The following SPOPL variants were observed in gnomAD, a reference collection of about 807,000 sequenced individuals.
SPOPL encodes speckle-type POZ protein-like.
A neutral mutation model predicts 53.8 loss-of-function variants in SPOPL; 23 were observed. That is an observed-to-expected ratio of 0.43 (90% CI 0.31 to 0.61). The LOEUF (loss-of-function observed/expected upper bound fraction) is 0.61. Among genes scored for constraint, SPOPL ranks in the 20% least tolerant of loss-of-function variants. The pLI is 0.12. For synonymous variants in SPOPL, 164 were observed against 149.7 expected (o/e 1.10, Z -0.70); for missense variants, 442 against 466.9 (o/e 0.95, Z 0.49).
chr2:138,532,593 AT>A (rs71301784), intron 1 of SPOPL, among the ~76,000 whole-genome samples: 2,088 of 111,824 alleles, frequency 0.019, 40 homozygotes, highest in African/African-American at 0.071. Flanking sequence ...CGCCCGGCTA[AT>A]TTTTTTTTTT....
At chr2:138,556,647 T>TA (rs1685430595) in intron 5 of SPOPL, among the ~76,000 whole-genome samples, 1 of 152,196 alleles carries the variant, frequency 6.6e-6, no homozygotes, top group African/African-American at 2.4e-5. Flanking sequence ...GAAACTTTTT[T>TA]ATAGTTATTA....
Position 138,568,878 on chromosome 2 carries a change from G to A in SPOPL, c.1035-58G>A. On this transcript the variant is annotated intron_variant, in intron 10 of 10. Coordinates refer to ENST00000280098, the MANE Select transcript of SPOPL (RefSeq NM_001001664.3). ...TGCAAGTTTTTAAGAAATTAACAGT[G>A]CAATAGTGCATTTTGAAAAGTATTC... The A allele has an allele frequency of 2.5e-6, 4 of 1,576,696 alleles. No individual in the cohort carries two copies. In the South Asian group the frequency reaches 3.4e-5, roughly 13 times the overall value.
intron 1 of SPOPL, among the ~76,000 whole-genome samples, chr2:138,549,296 C>G (rs1297088082): frequency 6.6e-6 from 1 of 152,128 alleles, no homozygotes; most frequent in South Asian, 2.1e-4. Flanking sequence ...CTTTATCTCT[C>G]ATAACAATTT....
At position 138,564,701 on chromosome 2, in the gene SPOPL, T is replaced by C; in HGVS notation, c.838-7T>C. 6.2e-7 allele frequency: 1 copy of C among 1,613,392 alleles called. No individual in the cohort carries two copies. The highest frequency in any genetic ancestry group is 8.5e-7 in the Non-Finnish European group (1 of 1,179,742). ...ATGTTTAATGGTTATGTTTTCATTT[T>C]GGATAGTATGCACTGGAACGGCTGA... On this transcript the variant is annotated splice_polypyrimidine_tract_variant and splice_region_variant and intron_variant, in intron 8 of 10. Coordinates refer to ENST00000280098, the MANE Select transcript of SPOPL (RefSeq NM_001001664.3).
At chr2:138,509,585 A>G (rs1232885874) in intron 1 of SPOPL, among the ~76,000 whole-genome samples, 1 of 150,026 alleles carries the variant, frequency 6.7e-6, no homozygotes, top group Non-Finnish European at 1.5e-5. Context: ...CAGTTAGGTG[A>G]TTTTTTAAAA....
chr2:138,537,912 G>A (rs1489385566), intron 1 of SPOPL, among the ~76,000 whole-genome samples: 3 of 152,052 alleles, frequency 2.0e-5, no homozygotes, highest in Non-Finnish European at 4.4e-5. Context: ...AAGTTGTCAC[G>A]CTGAAAGTTT....
Position 138,571,588 on chromosome 2 carries a change from T to C in SPOPL, c.*2508T>C, listed in dbSNP as rs1486412662. The C allele has an allele frequency of 1.3e-5, 2 of 152,542 alleles. No homozygotes were observed. The highest frequency in any genetic ancestry group is 2.9e-5 in the Non-Finnish European group (2 of 68,000). 9.4% of individuals were successfully genotyped at this position (152,542 alleles called of 1,614,324 possible). On this transcript the variant is annotated 3_prime_UTR_variant, in exon 11 of 11. Transcript: ENST00000280098. ...TTGGTATTGTGGGTTCTTGAGGCAA[T>C]GATAAAAACACTTAATGTATTCTGA... is the stretch of plus-strand genomic sequence containing the variant.
chr2:138,551,076 T>G (rs776653750), intron 4 of SPOPL, 22 bp downstream of exon 4: 2 of 1,611,120 alleles, frequency 1.2e-6, no homozygotes, highest in Non-Finnish European at 1.7e-6. Context: ...GCAAACTAAG[T>G]GAAGACATTT....
chr2:138,525,909 C>A (rs1448460930), intron 1 of SPOPL, among the ~76,000 whole-genome samples: 1 of 151,234 alleles, frequency 6.6e-6, no homozygotes, highest in African/African-American at 2.4e-5. Context: ...AGGGTATCAT[C>A]CATTCTCACC....
chr2:138,534,367 T>C (rs537728772), intron 1 of SPOPL, among the ~76,000 whole-genome samples: 1 of 152,236 alleles, frequency 6.6e-6, no homozygotes, highest in East Asian at 1.9e-4. Context: ...TTGTATTAGG[T>C]GTTAAGTAAT....
At chr2:138,550,456 A>G (rs1041652236) in intron 2 of SPOPL, 27 bp from the exon 3 acceptor site, 71 of 1,597,908 alleles carry the variant, frequency 4.4e-5, no homozygotes, top group Non-Finnish European at 6.0e-5. Context: ...CGTCATCATT[A>G]TAAAAGTGGT....
In SPOPL at chr2:138,550,286, T is replaced by A; in HGVS notation, c.70T>A (p.Tyr24Asn). The change falls in exon 2 of 11, where the codon TAC (tyrosine) becomes AAC (asparagine). Residue 24 changes from tyrosine to asparagine, a missense_variant. Coordinates refer to ENST00000280098, the MANE Select transcript of SPOPL (RefSeq NM_001001664.3). ...STGPIAESWCYTQVKVVKFSY... is the reference protein window; with the variant it reads ...STGPIAESWCNTQVKVVKFSY... ...TGGTCCCATAGCAGAAAGCTGGTGT[T>A]ACACACAGGTACATGCTCTTAAAAA... 1 of 1,613,626 alleles carries A rather than the reference T, an allele frequency of 6.2e-7. No homozygotes were observed. The highest frequency in any genetic ancestry group is 8.5e-7 in the Non-Finnish European group (1 of 1,179,644).
At chr2:138,523,861 T>C (rs1344843465) in intron 1 of SPOPL, among the ~76,000 whole-genome samples, 1 of 152,170 alleles carries the variant, frequency 6.6e-6, no homozygotes, top group East Asian at 1.9e-4. Context: ...TCACAGGCTG[T>C]TGTTGAGTGT....
Position 138,559,359 on chromosome 2 carries a change from A to G in SPOPL, c.714+22A>G, listed in dbSNP as rs371041587. ...AAAGGTAAACATGGCTTAAAGGCTA[A>G]TATTGAATTTATATAAACGTAAAGT... On this transcript the variant is annotated intron_variant, in intron 7 of 10. Coordinates refer to ENST00000280098, the MANE Select transcript of SPOPL (RefSeq NM_001001664.3). 2.8e-5 allele frequency: 44 copies of G among 1,592,028 alleles called. No individual in the cohort carries two copies. In the African/African-American group the frequency reaches 6.0e-4, roughly 22 times the overall value.
chr2:138,559,488 GAAC>G, intron 7 of SPOPL, 151 bp downstream of exon 7: 1 of 734,604 alleles, frequency 1.4e-6, no homozygotes, highest in East Asian at 2.7e-5. Context: ...TTCTATAATA[GAAC>G]AATAGATGTA....
chr2:138,533,694 A>G (rs1165159983), intron 1 of SPOPL, among the ~76,000 whole-genome samples: 3 of 152,098 alleles, frequency 2.0e-5, no homozygotes, highest in Non-Finnish European at 2.9e-5. Context: ...GTTATATATT[A>G]TATTAACTCT....
At chr2:138,541,014 TC>T (rs1238730937) in intron 1 of SPOPL, among the ~76,000 whole-genome samples, 1 of 152,238 alleles carries the variant, frequency 6.6e-6, no homozygotes, top group African/African-American at 2.4e-5. Flanking sequence ...ATGGTTTTTT[TC>T]ATTGTTTCTG....
At chr2:138,544,488 T>C (rs1685148157) in intron 1 of SPOPL, among the ~76,000 whole-genome samples, 2 of 152,180 alleles carry the variant, frequency 1.3e-5, no homozygotes, top group Non-Finnish European at 2.9e-5. Context: ...CAGACTGCTG[T>C]GTTAGCAATG....
chr2:138,559,924 T>G (rs2104901116), intron 7 of SPOPL, among the ~76,000 whole-genome samples: 1 of 152,310 alleles, frequency 6.6e-6, no homozygotes, highest in African/African-American at 2.4e-5. Flanking sequence ...ATTTTATTCT[T>G]TCTGCAGAAC....
Sources: gnomAD v4.1 joint callset for allele counts (sites outside exome capture counted in the v4.1 genomes callset) on GRCh38, gnomAD v4.1.1 for gene constraint, MANE v1.5 for transcripts, NCBI Gene and HGNC (gene_info 2026-07-23, HGNC 2026-07-21) for gene names.